NFILZ: variants seen among roughly 807,000 people sequenced by gnomAD.
NFILZ encodes the protein NFIL3 like basic leucine zipper, also known as NFIL3 like protein.
At chr19:8,663,722 TTGTGTGTGTGTGTGTGTGTGTG>T (rs879983007) in intron 3 of NFILZ, among the ~76,000 whole-genome samples, 1 of 10,798 alleles carries the variant, frequency 9.3e-5, no homozygotes, top group East Asian at 1.7e-3. Context: ...GTGTGTGTGT[TTGTGTGTGTGTGTGTGTGTGTG>T]TGTGTGTGTG....
chr19:8,663,752 G>GTGTGTGTATGTGTGTA (rs2043047424), intron 3 of NFILZ, among the ~76,000 whole-genome samples: 20 of 127,822 alleles, frequency 1.6e-4, no homozygotes, highest in South Asian at 2.7e-4. Context: ...GTGTGTGTGT[G>GTGTGTGTATGTGTGTA]TGTGTGTGTG....
chr19:8,639,961 C>T (rs1188531513), intron 3 of NFILZ, among the ~76,000 whole-genome samples: 1 of 152,124 alleles, frequency 6.6e-6, no homozygotes, highest in Non-Finnish European at 1.5e-5. Context: ...TTGGCTGGGT[C>T]CCGGCTCTTT....
intron 3 of NFILZ, among the ~76,000 whole-genome samples, chr19:8,655,202 C>G (rs1555748199): frequency 4.6e-5 from 7 of 152,170 alleles, no homozygotes; most frequent in Non-Finnish European, 1.0e-4. Context: ...CAATGGGGAG[C>G]CATAGAGGGT....
At position 8,656,288 on chromosome 19, in the gene NFILZ, A is replaced by ATG. The variant is rs2042994188; in HGVS notation, c.-163-18263_-163-18262insTG. ...TCTCTCTGAAGCCCACCTTCTCCCCACAGCCCACCTCCTCCCGCAGCGCAC... is the reference window on the plus strand; with the variant it reads ...TCTCTCTGAAGCCCACCTTCTCCCCATGCAGCCCACCTCCTCCCGCAGCGCAC... On this transcript the variant is annotated intron_variant, in intron 3 of 5. Transcript: ENST00000691075. Among the ~76,000 whole-genome samples, 4 of 20,906 alleles carry ATG rather than the reference A, an allele frequency of 1.9e-4. 1 individual carries two copies. The South Asian group carries it at 3.6e-3, about 19-fold the overall frequency. The allele number at this position is 20,906 out of a possible 152,430, so 13.7% of individuals were successfully genotyped here.
rs192719719 is a variant in NFILZ at position 8,670,856 on chromosome 19, G to A, written c.-163-3695G>A. 8.0e-3 allele frequency among the ~76,000 whole-genome samples: 1,223 copies of A among 152,230 alleles called. 22 individuals carry two copies. The highest frequency in any genetic ancestry group is 0.011 in the Non-Finnish European group (760 of 67,998). On this transcript the variant is annotated intron_variant, in intron 3 of 5. Coordinates refer to ENST00000691075, the MANE Select transcript of NFILZ (RefSeq NM_001378600.1). ...CTAAAAATACAAAAATTAGTCAGGCGTGGTGGCAAGCATCTGTAATCCCAG... is the reference window on the plus strand; with the variant it reads ...CTAAAAATACAAAAATTAGTCAGGCATGGTGGCAAGCATCTGTAATCCCAG...
chr19:8,656,281 T>C (rs2967711), intron 3 of NFILZ, among the ~76,000 whole-genome samples: 19,463 of 52,386 alleles, frequency 0.37, 5,697 homozygotes, highest in South Asian at 0.54. Context: ...AAGCCCACCT[T>C]CTCCCCACAG....
rs781791757 is a variant in NFILZ at position 8,667,948 on chromosome 19, TTTTA to T, written c.-163-6587_-163-6584del. 2.6e-5 allele frequency among the ~76,000 whole-genome samples: 4 copies of T among 152,128 alleles called. No homozygotes were observed. In the South Asian group the frequency reaches 6.2e-4, roughly 24 times the overall value. ...ACTATATATGTATTTTTTATTTTAT[TTTTA>T]TTTATTTATTTATTTTTTGAGACAG... On this transcript the variant is annotated intron_variant, in intron 3 of 5. Coordinates refer to ENST00000691075, the MANE Select transcript of NFILZ (RefSeq NM_001378600.1).
intron 3 of NFILZ, among the ~76,000 whole-genome samples, chr19:8,663,748 G>GTATGTGTGTA (rs1227521950): frequency 1.4e-5 from 2 of 139,376 alleles, no homozygotes; most frequent in African/African-American, 5.6e-5. Flanking sequence ...GTGTGTGTGT[G>GTATGTGTGTA]TGTGTGTGTG....
At chr19:8,655,547 G>A (rs1045970436) in intron 3 of NFILZ, among the ~76,000 whole-genome samples, 2 of 152,134 alleles carry the variant, frequency 1.3e-5, no homozygotes, top group East Asian at 1.9e-4. Context: ...CGGAAGCGCC[G>A]GTGACTACCT....
intron 3 of NFILZ, among the ~76,000 whole-genome samples, chr19:8,665,934 CCT>C (rs2043059982): frequency 6.6e-6 from 1 of 152,166 alleles, no homozygotes; most frequent in Non-Finnish European, 1.5e-5. Flanking sequence ...ATTTTTAGCT[CCT>C]CTCTTAGAGC....
intron 2 of NFILZ, among the ~76,000 whole-genome samples, chr19:8,633,898 C>CCTTT (rs1205722999): frequency 1.4e-5 from 2 of 138,206 alleles, no homozygotes; most frequent in African/African-American, 2.7e-5. Context: ...TTCCTTCCTT[C>CCTTT]CTTCCTTCCT....
chr19:8,673,741 C>G (rs2043098688), intron 3 of NFILZ, among the ~76,000 whole-genome samples: 2 of 152,092 alleles, frequency 1.3e-5, no homozygotes, highest in African/African-American at 4.8e-5. Flanking sequence ...ACTGGAGTCC[C>G]TTCTGTGACT....
chr19:8,678,071 T>G lies in NFILZ; in HGVS notation c.*436T>G. Among the ~76,000 whole-genome samples, 1 of 87,844 alleles carries G rather than the reference T, an allele frequency of 1.1e-5. No individual in the cohort carries two copies. The highest frequency in any genetic ancestry group is 1.3e-4 in the Admixed American group (1 of 7,720). The allele number at this position is 87,844 out of a possible 152,430, so 57.6% of individuals were successfully genotyped here. On this transcript the variant is annotated 3_prime_UTR_variant, in exon 6 of 6. Transcript: ENST00000691075. ...ATCCATCCACCCATCTATTCATCCATCCATCAATCCATCCATCCATTCCAT... is the reference window on the plus strand; with the variant it reads ...ATCCATCCACCCATCTATTCATCCAGCCATCAATCCATCCATCCATTCCAT...
chr19:8,634,619 T>C (rs1453089492), intron 2 of NFILZ, among the ~76,000 whole-genome samples: 8 of 152,196 alleles, frequency 5.3e-5, no homozygotes, highest in Non-Finnish European at 1.0e-4. Flanking sequence ...CACAGGCCTA[T>C]AGTCCCAGCA....
chr19:8,674,509 C>A (rs1030909523), intron 3 of NFILZ, among the ~76,000 whole-genome samples, 42 bp from the exon 4 acceptor site: 2 of 149,742 alleles, frequency 1.3e-5, no homozygotes, highest in East Asian at 3.9e-4. Flanking sequence ...AATTTGAGAG[C>A]CTCTAAGTCA....
rs782800041 is a variant in NFILZ at position 8,679,412 on chromosome 19, A to C, written c.*1777A>C. ...TGGACTGGTACTGACACTGAGAACC[A>C]GATGCCCCTGGCCAACTGGATCACT... On this transcript the variant is annotated 3_prime_UTR_variant, in exon 6 of 6. Transcript: ENST00000691075. Among the ~76,000 whole-genome samples, 7 of 152,102 alleles carry C rather than the reference A, an allele frequency of 4.6e-5. No homozygotes were observed. Among genetic ancestry groups the C allele is most frequent in the Non-Finnish European group, 8.8e-5 (6 of 68,020 alleles).
chr19:8,656,316 C>T (rs77437076), intron 3 of NFILZ, among the ~76,000 whole-genome samples: 734 of 69,760 alleles, frequency 0.011, 26 homozygotes, highest in Admixed American at 0.016. Flanking sequence ...CAGCGCACCT[C>T]CTCCCTGAAG....
chr19:8,648,713 G>A (rs545896848), intron 3 of NFILZ, among the ~76,000 whole-genome samples: 6 of 151,812 alleles, frequency 4.0e-5, no homozygotes, highest in South Asian at 2.1e-4. Flanking sequence ...CTAGCCAGGC[G>A]TGGTGGTGCA....
At chr19:8,649,752 G>A (rs1442204780) in intron 3 of NFILZ, among the ~76,000 whole-genome samples, 2 of 152,032 alleles carry the variant, frequency 1.3e-5, no homozygotes, top group Admixed American at 1.3e-4. Flanking sequence ...TCACCAGAAG[G>A]CAGTCTGCTT....
Sources: gnomAD v4.1 joint callset for allele counts (sites outside exome capture counted in the v4.1 genomes callset) on GRCh38, gnomAD v4.1.1 for gene constraint, MANE v1.5 for transcripts, NCBI Gene and HGNC (gene_info 2026-07-23, HGNC 2026-07-21) for gene names.